The following ZNF431 variants were observed in gnomAD, a reference collection of about 807,000 sequenced individuals.
The protein encoded by ZNF431 is zinc finger protein 431.
ZNF431 carries 34 observed loss-of-function variants against 57.0 expected under a neutral mutation model. The observed-to-expected ratio is 0.60, with a 90% CI of 0.45 to 0.79. The LOEUF is 0.79. Ranked by LOEUF, ZNF431 falls within the 30% of genes least tolerant of loss-of-function variation. The probability of loss-of-function intolerance (pLI) is 0.00; values close to 1 mark genes in which losing one functional copy is unlikely to be tolerated. For synonymous variants in ZNF431, 207 were observed against 220.3 expected (o/e 0.94, Z 0.54); for missense variants, 607 against 667.1 (o/e 0.91, Z 0.99).
chr19:21,191,983 C>T lies in ZNF431; in HGVS notation c.*7949C>T, dbSNP rs117704727. 7.2e-5 allele frequency: 11 copies of T among 152,108 alleles called. No homozygotes were observed. Among genetic ancestry groups the T allele is most frequent in the Admixed American group, 1.3e-4 (2 of 15,270 alleles). 9.4% of individuals were successfully genotyped at this position (152,108 alleles called of 1,614,324 possible). ...ATATTAATGTCAGTTCATGAATAGT[C>T]CATTTATGTATTAATTTCTATTTAG... is the stretch of plus-strand genomic sequence containing the variant. On this transcript the variant is annotated 3_prime_UTR_variant, in exon 5 of 5. Transcript: ENST00000311048.
Position 21,183,633 on chromosome 19 carries a change from A to T in ZNF431, c.1330A>T (p.Thr444Ser). The change falls in exon 5 of 5, where the codon ACT becomes TCT. Residue 444 changes from threonine (T) to serine (S), a missense_variant. Thr to Ser is a moderately conservative substitution (Grantham distance 58). Transcript: ENST00000311048. ...GKAFNRSPQL[T>S]AHKIIHTGEK... ...AGCTTTTAACCGGTCCCCACAACTTACTGCACATAAGATAATTCATACTGG... is the reference window on the plus strand; with the variant it reads ...AGCTTTTAACCGGTCCCCACAACTTTCTGCACATAAGATAATTCATACTGG... 1 of 1,613,454 alleles carries T rather than the reference A, an allele frequency of 6.2e-7. No homozygotes were observed. Among genetic ancestry groups the T allele is most frequent in the Non-Finnish European group, 8.5e-7 (1 of 1,179,940 alleles).
At chr19:21,148,779 A>T (rs1459905431) in intron 2 of ZNF431, among the ~76,000 whole-genome samples, 1 of 152,194 alleles carries the variant, frequency 6.6e-6, no homozygotes, top group Non-Finnish European at 1.5e-5. Context: ...AGGAATTTTA[A>T]TTACATACTA....
rs1357512018 is a variant in ZNF431 at position 21,190,666 on chromosome 19, T to TTC, written c.*6633_*6634insCT. The TTC allele has an allele frequency of 1.3e-5, 2 of 151,228 alleles. No homozygotes were observed. Among genetic ancestry groups the TTC allele is most frequent in the Admixed American group, 6.6e-5 (1 of 15,182 alleles). 9.4% of individuals were successfully genotyped at this position (151,228 alleles called of 1,614,324 possible). A position where few individuals can be genotyped will look rare whatever the true frequency, so the allele number is the denominator to read the frequency against. The stretch of plus-strand genomic sequence containing the variant: ...ATTTATTTCAGCTATTTCCTTTTTT[T>TTC]TTTTTTTCTTTTTGAGATGGAGTTT... On this transcript the variant is annotated 3_prime_UTR_variant, in exon 5 of 5. Transcript: ENST00000311048.
At chr19:21,158,449 C>T (rs187009499) in intron 2 of ZNF431, among the ~76,000 whole-genome samples, 2 of 152,150 alleles carry the variant, frequency 1.3e-5, no homozygotes, top group African/African-American at 2.4e-5. Context: ...CCGCCCACCT[C>T]GGCCTCCCAA....
chr19:21,164,202 G>A (rs1970654849), intron 2 of ZNF431, among the ~76,000 whole-genome samples: 1 of 151,990 alleles, frequency 6.6e-6, no homozygotes, highest in South Asian at 2.1e-4. Flanking sequence ...TCTAAGCTGA[G>A]GCCAGAATCA....
chr19:21,149,766 T>G, intron 2 of ZNF431: 1 of 637,080 alleles, frequency 1.6e-6, no homozygotes, highest in Non-Finnish European at 2.9e-6. Flanking sequence ...ATCCTGTCAT[T>G]GTAGTTGGTC....
At chr19:21,153,641 A>G (rs1459207099) in intron 2 of ZNF431, among the ~76,000 whole-genome samples, 2 of 152,248 alleles carry the variant, frequency 1.3e-5, no homozygotes, top group African/African-American at 2.4e-5. Flanking sequence ...ACTAGTAAAC[A>G]TAACTACAGT....
chr19:21,158,727 C>T (rs1320662315), intron 2 of ZNF431, among the ~76,000 whole-genome samples: 1 of 151,984 alleles, frequency 6.6e-6, no homozygotes, highest in African/African-American at 2.4e-5. Flanking sequence ...TTTGCTGAGA[C>T]TGTAGGGTTT....
intron 4 of ZNF431, among the ~76,000 whole-genome samples, chr19:21,176,442 A>G (rs1057056777): frequency 2.0e-5 from 3 of 151,032 alleles, no homozygotes; most frequent in African/African-American, 7.3e-5. Context: ...GGGTTTCTCC[A>G]TTTTGGTCAG....
rs1403818742 is a variant in ZNF431 at position 21,182,984 on chromosome 19, T to G, written c.681T>G (p.Ile227Met). Residue 227 changes from isoleucine (I) to methionine (M), a missense_variant, in exon 5 of 5, where the codon ATT becomes ATG. Ile to Met is a conservative substitution (Grantham distance 10). Coordinates refer to ENST00000311048, the MANE Select transcript of ZNF431 (RefSeq NM_133473.4). The part of the protein sequence containing the change: ...LHLSQHKRIH[I>M]RENSYQCEEC... ...TAAGTCAACATAAAAGAATTCATAT[T>G]AGAGAGAATTCTTACCAATGTGAAG... 1.2e-6 allele frequency: 2 copies of G among 1,614,020 alleles called. No individual in the cohort carries two copies. The highest frequency in any genetic ancestry group is 2.7e-5 in the African/African-American group (2 of 74,956).
intron 2 of ZNF431, chr19:21,151,104 T>A (rs961131182): frequency 4.6e-5 from 7 of 152,114 alleles, no homozygotes; most frequent in African/African-American, 1.7e-4. Flanking sequence ...CAGGCTGGAA[T>A]GCAGTGGCGC....
At chr19:21,146,452 A>G (rs1404393585) in intron 2 of ZNF431, among the ~76,000 whole-genome samples, 2 of 151,990 alleles carry the variant, frequency 1.3e-5, no homozygotes, top group Non-Finnish European at 2.9e-5. Context: ...GTAAAGGAAT[A>G]AAAGAATGGC....
chr19:21,164,071 C>A (rs1376184158), intron 2 of ZNF431, among the ~76,000 whole-genome samples: 10 of 99,232 alleles, frequency 1.0e-4, no homozygotes, highest in Admixed American at 2.1e-4. Context: ...GAGCGTGAAA[C>A]TCCATCTCAA....
intron 2 of ZNF431, among the ~76,000 whole-genome samples, chr19:21,161,201 A>G (rs1490659706): frequency 1.3e-5 from 2 of 151,880 alleles, no homozygotes; most frequent in Non-Finnish European, 2.9e-5. Flanking sequence ...TAAAGCAGTC[A>G]TGATCCCTAC....
chr19:21,179,914 T>G (rs1431263278), intron 4 of ZNF431, among the ~76,000 whole-genome samples: 1 of 152,102 alleles, frequency 6.6e-6, no homozygotes, highest in East Asian at 1.9e-4. Context: ...TCTGATTTAG[T>G]TGTATTATTT....
At chr19:21,168,013 T>G (rs916810376) in intron 4 of ZNF431, among the ~76,000 whole-genome samples, 3 of 152,174 alleles carry the variant, frequency 2.0e-5, no homozygotes, top group African/African-American at 7.2e-5. Context: ...TTTGAAAAAT[T>G]CTTTGTTAAA....
At position 21,169,994 on chromosome 19, in the gene ZNF431, A is replaced by G. The variant is rs529178791; in HGVS notation, c.319+2328A>G. ...AGGAGTTTGGGATGGTTACAGAGTTAATTTCAGAATTCTCTGTTGGACCAA... is the reference window on the plus strand; with the variant it reads ...AGGAGTTTGGGATGGTTACAGAGTTGATTTCAGAATTCTCTGTTGGACCAA... On this transcript the variant is annotated intron_variant, in intron 4 of 4. Transcript: ENST00000311048. The G allele has an allele frequency of 3.8e-5, 15 of 395,830 alleles. No homozygotes were observed. In the East Asian group the frequency reaches 5.4e-4, roughly 14 times the overall value. 24.5% of individuals were successfully genotyped at this position (395,830 alleles called of 1,614,324 possible).
chr19:21,172,667 G>A (rs991153598), intron 4 of ZNF431, among the ~76,000 whole-genome samples: 5 of 152,036 alleles, frequency 3.3e-5, no homozygotes, highest in African/African-American at 1.2e-4. Flanking sequence ...TAGGCATAGT[G>A]TTATGCACCT....
chr19:21,153,730 T>C (rs548749879), intron 2 of ZNF431, among the ~76,000 whole-genome samples: 1 of 152,256 alleles, frequency 6.6e-6, no homozygotes, highest in South Asian at 2.1e-4. Context: ...TTTTTTTCTT[T>C]TTTGAGACAA....
Sources: gnomAD v4.1 joint callset for allele counts (sites outside exome capture counted in the v4.1 genomes callset) on GRCh38, gnomAD v4.1.1 for gene constraint, MANE v1.5 for transcripts, NCBI Gene and HGNC (gene_info 2026-07-23, HGNC 2026-07-21) for gene names.